The following A2ML1 variants were observed in gnomAD, a reference collection of about 807,000 sequenced individuals.
A2ML1 encodes alpha-2-macroglobulin-like protein 1.
In A2ML1, 161 loss-of-function variants were observed where a neutral mutation model predicts 181.9. The ratio of observed to expected loss-of-function variants is 0.89; its 90% CI spans 0.78 to 1.01. The LOEUF is 1.01. Among genes scored for constraint, A2ML1 ranks in the 50% least tolerant of loss-of-function variants. The pLI, the probability that A2ML1 is intolerant of heterozygous loss-of-function variation, is 0.00. For synonymous variants in A2ML1, 663 were observed against 666.8 expected (o/e 0.99, Z 0.09); for missense variants, 1,670 against 1,768.1 (o/e 0.94, Z 1.00).
chr12:8,848,940 T>C (rs1485112577), intron 16 of A2ML1, 26 bp downstream of exon 16: 1 of 1,594,038 alleles, frequency 6.3e-7, no homozygotes, highest in Non-Finnish European at 8.5e-7. Context: ...CATTTTGTTC[T>C]TATGGGAAAG....
intron 2 of A2ML1, 43 bp downstream of exon 2, chr12:8,823,408 A>G: frequency 2.5e-6 from 4 of 1,570,716 alleles, no homozygotes; most frequent in South Asian, 1.2e-5. Context: ...TTACTTGCCT[A>G]TTCTCCTCCC....
At chr12:8,822,736 G>A (rs953759150) in intron 1 of A2ML1, 23 bp downstream of exon 1, 3 of 1,611,692 alleles carry the variant, frequency 1.9e-6, no homozygotes, top group Non-Finnish European at 2.5e-6. Flanking sequence ...TGTCAGAATT[G>A]GTTTATTAGG....
At chr12:8,858,158 T>C (rs1944136864) in intron 26 of A2ML1, 56 bp downstream of exon 26, 1 of 1,562,230 alleles carries the variant, frequency 6.4e-7, no homozygotes, top group Non-Finnish European at 8.7e-7. Flanking sequence ...ACCCCACACC[T>C]CTGACCGAGT....
At chr12:8,837,242 AC>A (rs1943311923) in intron 7 of A2ML1, among the ~76,000 whole-genome samples, 197 bp from the exon 8 acceptor site, 2 of 150,980 alleles carry the variant, frequency 1.3e-5, no homozygotes, top group Admixed American at 1.3e-4. Flanking sequence ...CTGGTCTTGA[AC>A]CCCTGGCCTC....
Position 8,874,462 on chromosome 12 carries a change from G to A in A2ML1, c.4259G>A (p.Ser1420Asn). 3.1e-6 allele frequency: 5 copies of A among 1,614,012 alleles called. No homozygotes were observed. Among genetic ancestry groups the A allele is most frequent in the Non-Finnish European group, 3.4e-6 (4 of 1,179,980 alleles). Residue 1420 changes from serine to asparagine, a missense_variant, in exon 34 of 36, where the codon AGC becomes AAC. Coordinates refer to ENST00000299698, the MANE Select transcript of A2ML1 (RefSeq NM_144670.6). ...ACTCAGACTTACACCTTCACCATCA[G>A]CCAAAGTGTGCTGGTCACCAACTTG... ...KNTQTYTFTI[S>N]QSVLVTNLKP...
At chr12:8,840,978 A>AGAAGGAAAGAAG (rs1555109385) in intron 10 of A2ML1, among the ~76,000 whole-genome samples, 1 of 125,294 alleles carries the variant, frequency 8.0e-6, no homozygotes, top group African/African-American at 3.2e-5. Context: ...AAGGAAGGAA[A>AGAAGGAAAGAAG]GAAGGAAGGA....
chr12:8,868,385 G>A lies in A2ML1; in HGVS notation c.4061+28G>A, dbSNP rs370042989. 66 of 1,608,266 alleles carry A rather than the reference G, an allele frequency of 4.1e-5. No individual in the cohort carries two copies. In the East Asian group the frequency reaches 7.8e-4, roughly 19 times the overall value. The stretch of plus-strand genomic sequence containing the variant: ...GATTAAAGCTGGGGTGCTGGTGGCC[G>A]GCAGAGCACCTGGTCATAGGAGCTG... On this transcript the variant is annotated intron_variant, in intron 31 of 35. Transcript: ENST00000299698.
Position 8,823,744 on chromosome 12 carries a change from G to A in A2ML1, c.271G>A (p.Glu91Lys), listed in dbSNP as rs771663545. ...FLVPPPAGGTEEVATIRVSGV... is the reference protein window; with the variant it reads ...FLVPPPAGGTKEVATIRVSGV... ...GGTACCACCTCCTGCTGGTGGCACAGAAGAAGTGGCCACAATCCGGGTGTC... is the reference window on the plus strand; with the variant it reads ...GGTACCACCTCCTGCTGGTGGCACAAAAGAAGTGGCCACAATCCGGGTGTC... The change falls in exon 3 of 36, where the codon GAA becomes AAA. Residue 91 changes from glutamate to lysine, a missense_variant. By Grantham distance (56) the Glu-to-Lys change is moderately conservative (BLOSUM62 1). Coordinates refer to ENST00000299698, the MANE Select transcript of A2ML1 (RefSeq NM_144670.6). 18 of 1,613,862 alleles carry A rather than the reference G, an allele frequency of 1.1e-5. No homozygotes were observed. In the African/African-American group the frequency reaches 1.6e-4, roughly 14 times the overall value.
rs770884018 is a variant in A2ML1, at chr12:8,843,313, C to T, written c.1428C>T (p.Ile476=). The T allele has an allele frequency of 4.3e-6, 7 of 1,613,746 alleles. No individual in the cohort carries two copies. The highest frequency in any genetic ancestry group is 5.9e-6 in the Non-Finnish European group (7 of 1,180,038). The change falls in exon 12 of 36, where the codon ATC becomes ATT. Residue 476 remains isoleucine (I), a synonymous_variant. Coordinates refer to ENST00000299698, the MANE Select transcript of A2ML1 (RefSeq NM_144670.6). ...QPQEVLVDYY[I]DPADASPDQE... ...AGGAAGTGCTGGTGGATTATTACAT[C>T]GACCCGGCCGATGCAAGCCCTGACC...
chr12:8,845,205 C>T, intron 12 of A2ML1: 2 of 1,535,656 alleles, frequency 1.3e-6, no homozygotes, highest in Non-Finnish European at 1.7e-6. Flanking sequence ...TGTCAGACTC[C>T]TCCCATCCAC....
In A2ML1 at chr12:8,845,585, T is replaced by C. The variant is rs544996471; in HGVS notation, c.1537+83T>C. The C allele has an allele frequency of 6.5e-3, 9,234 of 1,419,424 alleles. 49 individuals are homozygous for C. The highest frequency in any genetic ancestry group is 8.2e-3 in the Non-Finnish European group (8,351 of 1,019,296). 87.9% of individuals were successfully genotyped at this position (1,419,424 alleles called of 1,614,324 possible). A position where few individuals can be genotyped will look rare whatever the true frequency, so the allele number is the denominator to read the frequency against. On this transcript the variant is annotated intron_variant, in intron 13 of 35. Transcript: ENST00000299698. ...ATTCTTGGCCAGGCGCGGTGGCTCATGCCTGTAATCCCAGCACTTTGGGAG... is the reference window on the plus strand; with the variant it reads ...ATTCTTGGCCAGGCGCGGTGGCTCACGCCTGTAATCCCAGCACTTTGGGAG...
chr12:8,838,683 C>T (rs780797338), intron 9 of A2ML1, among the ~76,000 whole-genome samples: 1 of 151,618 alleles, frequency 6.6e-6, no homozygotes, highest in South Asian at 2.1e-4. Flanking sequence ...GAGGCCGAGA[C>T]GGGCAGATCA....
At chr12:8,854,355 G>A in intron 21 of A2ML1, 106 bp downstream of exon 21, 1 of 1,462,420 alleles carries the variant, frequency 6.8e-7, no homozygotes, top group Middle Eastern at 2.6e-4. Flanking sequence ...GTCCAACCAG[G>A]CAGCTTCAAC....
In A2ML1 at chr12:8,857,299, CGGA is replaced by C. The variant is rs757834640; in HGVS notation, c.2989_2991del (p.Glu997del). 12 of 1,613,798 alleles carry C rather than the reference CGGA, an allele frequency of 7.4e-6. No homozygotes were observed. The highest frequency in any genetic ancestry group is 1.7e-5 in the Admixed American group (1 of 59,970). Reference sequence around the variant, plus strand: ...TACCTGGAGAAGGCAGGGCTGCTGACGGAGGAGATCAGGTCTCGGGCAGTGGGT... The same window carrying C: ...TACCTGGAGAAGGCAGGGCTGCTGACGGAGATCAGGTCTCGGGCAGTGGGT... On this transcript the variant is annotated inframe_deletion, in exon 24 of 36. Transcript: ENST00000299698.
chr12:8,854,850 G>A lies in A2ML1; in HGVS notation c.2764+19G>A. The stretch of plus-strand genomic sequence containing the variant: ...CCAAAAGGTGGGTGGACTCAGAGCA[G>A]GATTGGTGGTGAGAATTCCCTTAGA... On this transcript the variant is annotated intron_variant, in intron 22 of 35. Coordinates refer to ENST00000299698, the MANE Select transcript of A2ML1 (RefSeq NM_144670.6). 6.2e-7 allele frequency: 1 copy of A among 1,613,014 alleles called. No individual in the cohort carries two copies. The highest frequency in any genetic ancestry group is 8.5e-7 in the Non-Finnish European group (1 of 1,179,378).
chr12:8,852,314 G>A lies in A2ML1; in HGVS notation c.2568G>A (p.Trp856Ter), dbSNP rs375977821. The stretch of plus-strand genomic sequence containing the variant: ...CTGATGACGCAAAAACCCACCACTG[G>A]AACATCACAGCTGTCAAATTGGGTA... ...LCADDAKTHH[W>*]NITAVKLGHI... Residue 856 changes from tryptophan to a stop codon, truncating the protein, a stop_gained, in exon 20 of 36, where the codon TGG becomes TGA. Transcript: ENST00000299698. LOFTEE classifies it high-confidence loss of function. This position sits in a 1 kb window ranked among gnomAD's most constrained non-coding sequence, Gnocchi z 4.2. The A allele has an allele frequency of 5.0e-6, 8 of 1,614,102 alleles. No individual in the cohort carries two copies. The Admixed American group carries it at 1.2e-4, about 24-fold the overall frequency.
At chr12:8,886,831 G>C (rs1944925664) in exon 8 of A2ML1, 1 of 152,114 alleles carries the variant, frequency 6.6e-6, no homozygotes, top group African/African-American at 2.4e-5. Context: ...CAGTCACATT[G>C]GGGGTTATGG....
At chr12:8,834,457 C>T (rs2136756021) in intron 4 of A2ML1, among the ~76,000 whole-genome samples, 1 of 152,276 alleles carries the variant, frequency 6.6e-6, no homozygotes, top group South Asian at 2.1e-4. Context: ...CCACTCTTAC[C>T]CTCCTCCTGC....
chr12:8,846,155 T>C lies in A2ML1; in HGVS notation c.1616T>C (p.Ile539Thr). 6.2e-7 allele frequency: 1 copy of C among 1,614,046 alleles called. No homozygotes were observed. The highest frequency in any genetic ancestry group is 1.1e-5 in the South Asian group (1 of 91,076). Reference protein sequence around the residue: ...APDPSLVIYAIFPSGGVVADK... With the variant: ...APDPSLVIYATFPSGGVVADK... ...GATCCTTCCCTGGTGATCTATGCCA[T>C]TTTTCCCAGTGGAGGTGTTGTAGCT... The change falls in exon 14 of 36, where the codon ATT becomes ACT. Residue 539 changes from isoleucine to threonine, a missense_variant. By Grantham distance (89) the Ile-to-Thr change is moderately conservative (BLOSUM62 -1). Coordinates refer to ENST00000299698, the MANE Select transcript of A2ML1 (RefSeq NM_144670.6).
Sources: gnomAD v4.1 joint callset for allele counts (sites outside exome capture counted in the v4.1 genomes callset) on GRCh38, gnomAD v4.1.1 for gene constraint, Gnocchi (gnomAD v3.1) non-coding constraint, MANE v1.5 for transcripts, NCBI Gene and HGNC (gene_info 2026-07-23, HGNC 2026-07-21) for gene names.